Variants in CYFIP1 observed in about 807,000 individuals in gnomAD.
The protein encoded by CYFIP1 is cytoplasmic FMR1-interacting protein 1.
Under a neutral mutation model 163.5 loss-of-function variants are expected in CYFIP1, and 58 were observed. The ratio of observed to expected loss-of-function variants is 0.35; its 90% confidence interval spans 0.29 to 0.44. The LOEUF is 0.44. Ranked by LOEUF, CYFIP1 falls within the 20% of genes least tolerant of loss-of-function variation. The probability of loss-of-function intolerance (pLI) is 1.00; values close to 1 mark genes in which losing one functional copy is unlikely to be tolerated. For missense variants in CYFIP1, 1,338 were observed against 1,653.8 expected (o/e 0.81, Z 3.31); for synonymous variants, 663 against 660.7 (o/e 1.00, Z -0.05).
chr15:22,912,233 G>T lies in CYFIP1; in HGVS notation c.2028C>A (p.His676Gln), dbSNP rs2060810897. ...GCTTGTTGAACCTGGTGAGCGCGTAGTGGGCGCTGTCATTGTACAGGTCCA... is the reference window on the plus strand; with the variant it reads ...GCTTGTTGAACCTGGTGAGCGCGTATTGGGCGCTGTCATTGTACAGGTCCA... Reference protein sequence around the residue: ...YSLDLYNDSAHYALTRFNKQF... With the variant: ...YSLDLYNDSAQYALTRFNKQF... The change falls in exon 18 of 31, where the codon CAC (histidine) becomes CAA (glutamine). Residue 676 changes from histidine to glutamine, a missense_variant. By Grantham distance (24) the His-to-Gln change is conservative. Coordinates refer to ENST00000617928, the MANE Select transcript of CYFIP1 (RefSeq NM_014608.6). 1.9e-5 allele frequency: 30 copies of T among 1,614,046 alleles called. No individual in the cohort carries two copies. Among genetic ancestry groups the T allele is most frequent in the Non-Finnish European group, 2.3e-5 (27 of 1,179,952 alleles).
chr15:22,942,523 G>A (rs1359199590), intron 6 of CYFIP1, among the ~76,000 whole-genome samples: 1 of 152,088 alleles, frequency 6.6e-6, no homozygotes, highest in African/African-American at 2.4e-5. Flanking sequence ...AATGCCCATC[G>A]GCCACCCACT....
chr15:22,882,630 C>A (rs926933161), intron 24 of CYFIP1, among the ~76,000 whole-genome samples: 3 of 152,068 alleles, frequency 2.0e-5, no homozygotes, highest in Admixed American at 6.6e-5. Flanking sequence ...CATAGCAAGA[C>A]CCCCTCTCTA....
At chr15:22,958,170 C>T (rs1229810324) in intron 1 of CYFIP1, among the ~76,000 whole-genome samples, 1 of 151,462 alleles carries the variant, frequency 6.6e-6, no homozygotes, top group Non-Finnish European at 1.5e-5. Flanking sequence ...ACTGCAACCT[C>T]TGCCTCCCAG....
intron 17 of CYFIP1, among the ~76,000 whole-genome samples, chr15:22,913,812 A>G (rs939907663): frequency 1.3e-5 from 2 of 152,256 alleles, no homozygotes; most frequent in African/African-American, 4.8e-5. Context: ...AATGCTGTGC[A>G]ACGAGCCATC....
rs891961746 is a variant in CYFIP1 at position 22,901,232 on chromosome 15, A to T, written c.2588+2474T>A. Among the ~76,000 whole-genome samples the T allele has an allele frequency of 3.3e-5, 5 of 151,998 alleles. No individual in the cohort carries two copies. In the South Asian group the frequency reaches 8.3e-4, roughly 25 times the overall value. ...AAACAAAAAAAAAAACCAAAAAAAC[A>T]ACTCACTGCTGTTCAACCACCAGTG... On this transcript the variant is annotated intron_variant, in intron 22 of 30. Transcript: ENST00000617928.
chr15:22,963,560 A>ATAAAACATAACATAACATAACAT (rs199915541), intron 1 of CYFIP1, among the ~76,000 whole-genome samples: 1 of 118,752 alleles, frequency 8.4e-6, no homozygotes, highest in Non-Finnish European at 1.9e-5. Flanking sequence ...ATAACATAAG[A>ATAAAACATAACATAACATAACAT]AAGAATGAAA....
chr15:22,923,515 TAAG>T (rs1392876687), intron 13 of CYFIP1, among the ~76,000 whole-genome samples: 4 of 152,230 alleles, frequency 2.6e-5, no homozygotes, highest in Admixed American at 1.3e-4. Flanking sequence ...TTACTGCTGG[TAAG>T]AAGGAGAAAT....
chr15:22,917,198 G>T lies in CYFIP1; in HGVS notation c.1675-568C>A. The T allele has an allele frequency of 7.0e-7, 1 of 1,422,250 alleles. No individual in the cohort carries two copies. The highest frequency in any genetic ancestry group is 2.5e-5 in the East Asian group (1 of 39,562). The allele number at this position is 1,422,250 out of a possible 1,614,324, so 88.1% of individuals were successfully genotyped here. ...GACCCTCCTGCAGAGCCAGCAGCGT[G>T]CATTGCTGGTGACTTTCCAGAAGAG... is the stretch of plus-strand genomic sequence containing the variant. On this transcript the variant is annotated intron_variant, in intron 15 of 30. Transcript: ENST00000617928. This position sits in a 1 kb window ranked among gnomAD's most constrained non-coding sequence, Gnocchi z 4.2.
At chr15:22,957,120 C>T (rs371837688) in intron 1 of CYFIP1, among the ~76,000 whole-genome samples, 183 of 152,362 alleles carry the variant, frequency 1.2e-3, no homozygotes, top group African/African-American at 2.5e-3. Flanking sequence ...CGCTAACTCC[C>T]GCCACTGCAG....
intron 16 of CYFIP1, 50 bp from the exon 17 acceptor site, chr15:22,914,932 C>T: frequency 6.4e-7 from 1 of 1,554,834 alleles, no homozygotes; most frequent in Non-Finnish European, 8.7e-7. Flanking sequence ...CAAAAAAAAA[C>T]CTTTAGCAGA....
rs1264981546 is a variant in CYFIP1, at chr15:22,919,926, C to G, written c.1360-1068G>C. 6.6e-5 allele frequency among the ~76,000 whole-genome samples: 10 copies of G among 151,672 alleles called. No individual in the cohort carries two copies. The East Asian group carries it at 2.0e-3, about 30-fold the overall frequency. On this transcript the variant is annotated intron_variant, in intron 13 of 30. Coordinates refer to ENST00000617928, the MANE Select transcript of CYFIP1 (RefSeq NM_014608.6). ...AGTCCCAGCTACTCGGGAGGCTAAG[C>G]CAGGAGGATCACTTGAGCCTAGGAG...
intron 1 of CYFIP1, chr15:22,951,577 G>A (rs2062251172): frequency 1.6e-5 from 21 of 1,283,244 alleles, no homozygotes; most frequent in Non-Finnish European, 2.1e-5. Context: ...CCCTTTCTGC[G>A]GCCTGAACCC....
rs544770782 is a variant in CYFIP1, at chr15:22,935,666, T to C, written c.900+1438A>G. The stretch of plus-strand genomic sequence containing the variant: ...AATATACTGGTCAAAGCGTATAAAG[T>C]TTCAATTCCGCAGCATAGTTAAGTT... On this transcript the variant is annotated intron_variant, in intron 9 of 30. Coordinates refer to ENST00000617928, the MANE Select transcript of CYFIP1 (RefSeq NM_014608.6). 5.3e-5 allele frequency among the ~76,000 whole-genome samples: 8 copies of C among 152,076 alleles called. No homozygotes were observed. In the South Asian group the frequency reaches 1.7e-3, roughly 32 times the overall value.
chr15:22,894,793 CATAATACATGTATTTATTCT>C (rs1225035959), intron 22 of CYFIP1, among the ~76,000 whole-genome samples: 1 of 147,330 alleles, frequency 6.8e-6, no homozygotes, highest in Non-Finnish European at 1.5e-5. Context: ...TGATACATAA[CATAATACATGTATTTATTCT>C]ATATAATTAT....
At chr15:22,886,653 AG>A (rs2059934382) in intron 23 of CYFIP1, among the ~76,000 whole-genome samples, 1 of 152,158 alleles carries the variant, frequency 6.6e-6, no homozygotes, top group African/African-American at 2.4e-5. Context: ...CACTCTCCAT[AG>A]GATTTCAGTT....
intron 13 of CYFIP1, 68 bp downstream of exon 13, chr15:22,925,914 C>T (rs2061342238): frequency 6.3e-7 from 1 of 1,587,074 alleles, no homozygotes; most frequent in Non-Finnish European, 8.6e-7. Context: ...CATGTTTTTG[C>T]TTTTGACAGA....
At position 22,933,758 on chromosome 15, in the gene CYFIP1, A is replaced by G. The variant is rs570562703; in HGVS notation, c.992+44T>C. The G allele has an allele frequency of 2.9e-6, 4 of 1,402,602 alleles. No homozygotes were observed. In the Admixed American group the frequency reaches 7.2e-5, roughly 25 times the overall value. The allele number at this position is 1,402,602 out of a possible 1,614,324, so 86.9% of individuals were successfully genotyped here. ...GATGTTTGAAAACCGCACAATGAGG[A>G]CACTGCCGAAAGCTCAAACCAGGCA... On this transcript the variant is annotated intron_variant, in intron 10 of 30. Transcript: ENST00000617928.
intron 14 of CYFIP1, 78 bp downstream of exon 14, chr15:22,918,614 T>C (rs2061075415): frequency 7.6e-7 from 1 of 1,313,692 alleles, no homozygotes; most frequent in Non-Finnish European, 1.0e-6. Flanking sequence ...TTTGAGAATT[T>C]AACGCTCCTG....
intron 1 of CYFIP1, among the ~76,000 whole-genome samples, chr15:22,978,627 G>C (rs1273962488): frequency 6.6e-6 from 1 of 152,092 alleles, no homozygotes; most frequent in Admixed American, 6.6e-5. Context: ...GTTCTATGCT[G>C]TTTAATGTTT....
Sources: gnomAD v4.1 joint callset for allele counts (sites outside exome capture counted in the v4.1 genomes callset) on GRCh38, gnomAD v4.1.1 for gene constraint, Gnocchi (gnomAD v3.1) non-coding constraint, MANE v1.5 for transcripts, NCBI Gene and HGNC (gene_info 2026-07-23, HGNC 2026-07-21) for gene names.